TMEM217: variants seen among roughly 807,000 people sequenced by gnomAD.
The protein encoded by TMEM217 is transmembrane protein 217, also known as chromosome 6 open reading frame 128.
For missense variants in TMEM217, 204 were observed against 248.8 expected, an observed-to-expected ratio of 0.82 and a Z score of 1.21; for synonymous variants, 76 against 88.3, an observed-to-expected ratio of 0.86 and a Z score of 0.78.
exon 1 of TMEM217, chr6:37,258,034 C>T: frequency 6.4e-7 from 1 of 1,571,978 alleles, no homozygotes; most frequent in Non-Finnish European, 8.7e-7. Flanking sequence ...ATCCTAATCC[C>T]TGAATCCCGC....
chr6:37,229,253 A>T (rs1319175210), intron 1 of TMEM217, among the ~76,000 whole-genome samples: 1 of 151,558 alleles, frequency 6.6e-6, no homozygotes, highest in East Asian at 1.9e-4. Flanking sequence ...AACTCAACTG[A>T]ACAGAGTAAG....
intron 1 of TMEM217, among the ~76,000 whole-genome samples, chr6:37,229,831 T>C (rs553632250): frequency 1.3e-5 from 2 of 152,232 alleles, no homozygotes; most frequent in Non-Finnish European, 1.5e-5. Flanking sequence ...CAACACACAG[T>C]TATAATAGTA....
At chr6:37,248,568 T>C (rs1197189909) in intron 1 of TMEM217, among the ~76,000 whole-genome samples, 2 of 152,210 alleles carry the variant, frequency 1.3e-5, no homozygotes, top group East Asian at 1.9e-4. Context: ...TTGCTGTTCA[T>C]CTAGCTTGAG....
chr6:37,252,609 A>G (rs2448812), intron 1 of TMEM217, among the ~76,000 whole-genome samples: 17 of 36,380 alleles, frequency 4.7e-4, no homozygotes, highest in African/African-American at 2.1e-3. Flanking sequence ...GTGTGTGTGT[A>G]TGTGTGTGTA....
intron 1 of TMEM217, among the ~76,000 whole-genome samples, chr6:37,230,742 C>A (rs1764154867): frequency 6.6e-6 from 1 of 152,122 alleles, no homozygotes; most frequent in Non-Finnish European, 1.5e-5. Context: ...TATAGAAGCC[C>A]TAGCAAACCA....
intron 1 of TMEM217, among the ~76,000 whole-genome samples, chr6:37,238,287 T>C (rs1263834663): frequency 6.6e-6 from 1 of 152,174 alleles, no homozygotes; most frequent in African/African-American, 2.4e-5. Context: ...TTACACAATA[T>C]AATTATGTAA....
intron 1 of TMEM217, among the ~76,000 whole-genome samples, chr6:37,239,664 A>G (rs1327810060): frequency 3.9e-5 from 6 of 152,148 alleles, no homozygotes; most frequent in Admixed American, 3.9e-4. Flanking sequence ...AATTGCTCTC[A>G]TCAAGTTGAC....
intron 1 of TMEM217, among the ~76,000 whole-genome samples, chr6:37,233,973 T>C (rs1420738642): frequency 6.6e-6 from 1 of 152,226 alleles, no homozygotes; most frequent in Non-Finnish European, 1.5e-5. Flanking sequence ...AACACTTTAT[T>C]ATAAAATAGT....
chr6:37,237,377 A>ACC (rs1764557070), intron 1 of TMEM217, among the ~76,000 whole-genome samples: 1 of 152,144 alleles, frequency 6.6e-6, no homozygotes, highest in Admixed American at 6.5e-5. Context: ...GTGCACCAAG[A>ACC]CCCCATCAAG....
In TMEM217 at chr6:37,252,458, T is replaced by TA. The variant is rs772320320; in HGVS notation, c.-12+5109dup. Among the ~76,000 whole-genome samples the TA allele has an allele frequency of 1.5e-4, 23 of 151,922 alleles. 1 individual carries two copies. The highest frequency in any genetic ancestry group is 9.8e-4 in the Admixed American group (15 of 15,258). On this transcript the variant is annotated intron_variant, in intron 1 of 1. Transcript: ENST00000357219. ...TTTGTCAACCCCTGGTTGACATACA[T>TA]ACATACATGTATACATACATAACAT...
At chr6:37,254,086 T>C (rs753970074) in intron 1 of TMEM217, among the ~76,000 whole-genome samples, 2 of 152,198 alleles carry the variant, frequency 1.3e-5, no homozygotes, top group African/African-American at 2.4e-5. Context: ...GGCCATACTG[T>C]ATTAGTAACA....
At chr6:37,243,319 G>A (rs558214320) in intron 1 of TMEM217, among the ~76,000 whole-genome samples, 4 of 152,330 alleles carry the variant, frequency 2.6e-5, no homozygotes, top group African/African-American at 9.6e-5. Flanking sequence ...GTGCAGCTGA[G>A]TGTGGTCATG....
intron 1 of TMEM217, among the ~76,000 whole-genome samples, chr6:37,223,920 C>A (rs939979352): frequency 6.6e-6 from 1 of 150,450 alleles, no homozygotes. Context: ...CTGAGCTCAA[C>A]AGAGCCTCCT....
chr6:37,240,634 T>G (rs747825785), intron 1 of TMEM217, among the ~76,000 whole-genome samples: 32 of 152,174 alleles, frequency 2.1e-4, no homozygotes, highest in Admixed American at 4.6e-4. Flanking sequence ...CATAAGGGTG[T>G]AAATACCAGG....
At chr6:37,218,627 C>G (rs758473634) in exon 2 of TMEM217, 1 of 1,613,962 alleles carries the variant, frequency 6.2e-7, no homozygotes, top group Admixed American at 1.7e-5. Flanking sequence ...CATGACTGTA[C>G]GAGACACCAA....
downstream of TMEM217, chr6:37,215,081 C>T: frequency 7.3e-7 from 1 of 1,377,298 alleles, no homozygotes; most frequent in South Asian, 1.4e-5. Context: ...GCTCTGCTGC[C>T]CCAGCCTTGG....
downstream of TMEM217, among the ~76,000 whole-genome samples, chr6:37,216,178 AAG>A (rs1366905844): frequency 6.6e-6 from 1 of 152,064 alleles, no homozygotes; most frequent in Non-Finnish European, 1.5e-5. Context: ...TCCCAAGTTC[AAG>A]CAATTCTCCT....
chr6:37,254,621 T>C (rs1765614627), intron 1 of TMEM217, among the ~76,000 whole-genome samples: 1 of 152,234 alleles, frequency 6.6e-6, no homozygotes, highest in Non-Finnish European at 1.5e-5. Context: ...TTTCCTAACA[T>C]AAAAATATGT....
chr6:37,220,042 T>C (rs995013227), intron 1 of TMEM217, among the ~76,000 whole-genome samples: 3 of 152,076 alleles, frequency 2.0e-5, no homozygotes, highest in Non-Finnish European at 4.4e-5. Flanking sequence ...ATGAGCTAAG[T>C]ATTCAACTCA....
Sources: allele counts gnomAD v4.1 joint callset (sites outside exome capture counted in the v4.1 genomes callset), GRCh38; gene constraint gnomAD v4.1.1; transcripts MANE v1.5; gene names NCBI Gene and HGNC (gene_info 2026-07-23, HGNC 2026-07-21).